The following PRR5L variants were observed in gnomAD, a reference collection of about 807,000 sequenced individuals.
The protein encoded by PRR5L is proline rich 5 like.
In PRR5L, 21 loss-of-function variants were observed where a neutral mutation model predicts 36.4. The ratio of observed to expected loss-of-function variants is 0.58; its 90% CI spans 0.41 to 0.83. The LOEUF (loss-of-function observed/expected upper bound fraction) is 0.83. Among genes scored for constraint, PRR5L ranks in the 40% least tolerant of loss-of-function variants. The pLI, the probability that PRR5L is intolerant of heterozygous loss-of-function variation, is 0.00. For synonymous variants in PRR5L, 188 were observed against 197.0 expected (o/e 0.95, Z 0.38); for missense variants, 381 against 473.3 (o/e 0.80, Z 1.81).
chr11:36,375,823 G>A (rs1206980122), intron 1 of PRR5L, among the ~76,000 whole-genome samples: 1 of 152,188 alleles, frequency 6.6e-6, no homozygotes, highest in Admixed American at 6.5e-5. Context: ...AAATGAGTTT[G>A]GGAGCTTTAA....
intron 1 of PRR5L, among the ~76,000 whole-genome samples, chr11:36,371,202 G>A (rs1857194220): frequency 6.6e-6 from 1 of 152,166 alleles, no homozygotes; most frequent in South Asian, 2.1e-4. Flanking sequence ...GCAGACTTCA[G>A]GGTTCTCAAT....
At chr11:36,305,638 GC>G in intron 1 of PRR5L, among the ~76,000 whole-genome samples, 2 of 152,246 alleles carry the variant, frequency 1.3e-5, no homozygotes, top group East Asian at 3.9e-4. Context: ...TAAGGGTGGG[GC>G]CCTCCTGAAT....
At chr11:36,367,009 CTGTCTTA>C (rs1857151310) in intron 1 of PRR5L, among the ~76,000 whole-genome samples, 1 of 152,084 alleles carries the variant, frequency 6.6e-6, no homozygotes, top group Non-Finnish European at 1.5e-5. Flanking sequence ...ATGCAGACTG[CTGTCTTA>C]TGTCATTATT....
intron 1 of PRR5L, among the ~76,000 whole-genome samples, chr11:36,353,479 C>T (rs140773943): frequency 3.9e-4 from 59 of 152,236 alleles, no homozygotes; most frequent in African/African-American, 1.2e-3. Flanking sequence ...TGTGTATGTA[C>T]TATTGCCAGG....
chr11:36,435,412 T>C (rs967230369), intron 5 of PRR5L, among the ~76,000 whole-genome samples: 6 of 152,102 alleles, frequency 3.9e-5, no homozygotes, highest in African/African-American at 1.4e-4. Flanking sequence ...CTAGGACAAG[T>C]ACTAAGAATA....
chr11:36,302,554 G>A (rs902721953), intron 1 of PRR5L, among the ~76,000 whole-genome samples: 1 of 152,058 alleles, frequency 6.6e-6, no homozygotes. Flanking sequence ...GGGAGGCCAA[G>A]GCAGGCAGAT....
intron 3 of PRR5L, among the ~76,000 whole-genome samples, chr11:36,405,215 G>A (rs1033801798): frequency 1.3e-5 from 2 of 152,198 alleles, no homozygotes; most frequent in Admixed American, 6.5e-5. Context: ...TGGCGTGGAT[G>A]CCTGGCAGTG....
intron 1 of PRR5L, among the ~76,000 whole-genome samples, chr11:36,336,943 T>C (rs1856774760): frequency 6.6e-6 from 1 of 152,154 alleles, no homozygotes; most frequent in African/African-American, 2.4e-5. Context: ...TCTAGCACTG[T>C]GTGGGGGCAC....
intron 1 of PRR5L, among the ~76,000 whole-genome samples, chr11:36,372,380 G>A (rs952948319): frequency 7.2e-5 from 11 of 152,202 alleles, no homozygotes; most frequent in African/African-American, 2.4e-4. Context: ...TTGATCACAA[G>A]GCAGCCTCTC....
intron 8 of PRR5L, among the ~76,000 whole-genome samples, chr11:36,458,815 C>T (rs1859118280): frequency 6.6e-6 from 1 of 152,218 alleles, no homozygotes; most frequent in South Asian, 2.1e-4. Flanking sequence ...GGGTGTTCCC[C>T]CTCCTGTCCA....
rs1028189685 is a variant in PRR5L at position 36,463,046 on chromosome 11, C to T, written c.*310C>T. ...CTTTCTCCCTCCGATGTTGGACTGC[C>T]TGATGCTCCCAATGACATATCCAAT... On this transcript the variant is annotated 3_prime_UTR_variant, in exon 9 of 9. Transcript: ENST00000530639. 2 of 291,676 alleles carry T rather than the reference C, an allele frequency of 6.9e-6. No individual in the cohort carries two copies. The highest frequency in any genetic ancestry group is 2.2e-5 in the African/African-American group (1 of 46,216). 18.1% of individuals were successfully genotyped at this position (291,676 alleles called of 1,614,324 possible).
intron 1 of PRR5L, among the ~76,000 whole-genome samples, chr11:36,332,222 A>G (rs1856726300): frequency 6.6e-6 from 1 of 152,212 alleles, no homozygotes. Context: ...AAAAAAACCC[A>G]TGAATGCCAA....
At chr11:36,415,138 G>C (rs555676392) in intron 3 of PRR5L, among the ~76,000 whole-genome samples, 3 of 152,058 alleles carry the variant, frequency 2.0e-5, no homozygotes, top group Admixed American at 2.0e-4. Flanking sequence ...TTTGAAGTCA[G>C]GTAGTGTGAT....
intron 4 of PRR5L, among the ~76,000 whole-genome samples, chr11:36,422,099 G>T (rs1328177819): frequency 6.6e-6 from 1 of 152,180 alleles, no homozygotes; most frequent in Non-Finnish European, 1.5e-5. Context: ...GGTGGCCCTG[G>T]CTCTGGCCCT....
intron 1 of PRR5L, among the ~76,000 whole-genome samples, chr11:36,328,854 T>C (rs1409258528): frequency 6.6e-6 from 1 of 152,200 alleles, no homozygotes; most frequent in African/African-American, 2.4e-5. Flanking sequence ...CATTCCCTCA[T>C]CTGAAACTTC....
At chr11:36,350,980 T>TTATATAGTTA (rs1856930299) in intron 1 of PRR5L, among the ~76,000 whole-genome samples, 1 of 43,378 alleles carries the variant, frequency 2.3e-5, no homozygotes, top group African/African-American at 1.4e-4. Context: ...TTATATATAT[T>TTATATAGTTA]TATATATTTA....
chr11:36,452,639 G>A (rs893691059), intron 8 of PRR5L, among the ~76,000 whole-genome samples: 9 of 152,214 alleles, frequency 5.9e-5, no homozygotes, highest in African/African-American at 9.6e-5. Flanking sequence ...ATGTTGCTGC[G>A]GTCTCCCTGG....
At chr11:36,361,848 T>C (rs1179094072) in intron 1 of PRR5L, among the ~76,000 whole-genome samples, 1 of 152,104 alleles carries the variant, frequency 6.6e-6, no homozygotes, top group Non-Finnish European at 1.5e-5. Context: ...TTTTCTAAAA[T>C]GGAATGGCTG....
intron 1 of PRR5L, among the ~76,000 whole-genome samples, chr11:36,392,796 C>G (rs1309661397): frequency 6.6e-6 from 1 of 152,156 alleles, no homozygotes; most frequent in Non-Finnish European, 1.5e-5. Context: ...AGAACTCACT[C>G]ACTTTCATGA....
Sources: allele counts gnomAD v4.1 joint callset (sites outside exome capture counted in the v4.1 genomes callset), GRCh38; gene constraint gnomAD v4.1.1; transcripts MANE v1.5; gene names NCBI Gene and HGNC (gene_info 2026-07-23, HGNC 2026-07-21).